RBMS1: variants seen among roughly 807,000 people sequenced by gnomAD.
RBMS1 encodes the protein RNA binding motif single stranded interacting protein 1.
RBMS1 carries 17 observed loss-of-function variants against 62.3 expected under a neutral mutation model. The observed-to-expected ratio is 0.27, with a 90% confidence interval of 0.19 to 0.41. The LOEUF (loss-of-function observed/expected upper bound fraction) is 0.41. Among genes scored for constraint, RBMS1 ranks in the 10% least tolerant of loss-of-function variants. RBMS1 has a pLI of 1.00. For synonymous variants in RBMS1, 172 were observed against 170.0 expected (o/e 1.01, Z -0.09); for missense variants, 334 against 504.5 (o/e 0.66, Z 3.24).
intron 2 of RBMS1, among the ~76,000 whole-genome samples, chr2:160,347,698 T>C (rs1395770994): frequency 6.6e-6 from 1 of 152,108 alleles, no homozygotes; most frequent in Non-Finnish European, 1.5e-5. Flanking sequence ...TTTTGAGAAT[T>C]ACATTTTTAC....
intron 12 of RBMS1, among the ~76,000 whole-genome samples, chr2:160,276,368 C>T (rs944797329): frequency 6.6e-6 from 1 of 150,856 alleles, no homozygotes; most frequent in Non-Finnish European, 1.5e-5. Flanking sequence ...ACCACCACCA[C>T]CAACACCTAC....
chr2:160,449,374 G>A lies in RBMS1; in HGVS notation c.75+43915C>T, dbSNP rs192014974. On this transcript the variant is annotated intron_variant, in intron 1 of 13. Coordinates refer to ENST00000348849, the MANE Select transcript of RBMS1 (RefSeq NM_016836.4). ...GGGCCATGATGACGATGGCGTTTTT[G>A]TCGAATAGAAAAGGGGGAAATGTGG... 2.2e-3 allele frequency among the ~76,000 whole-genome samples: 331 copies of A among 152,374 alleles called. 1 individual carries two copies. The highest frequency in any genetic ancestry group is 7.5e-3 in the African/African-American group (313 of 41,586).
rs551792738 is a variant in RBMS1, at chr2:160,398,339, A to G, written c.76-30948T>C. ...GTGACTGTATAATTATGAATGACGT[A>G]TATTACCAAGAATGAAATTTGCCAT... On this transcript the variant is annotated intron_variant, in intron 1 of 13. Transcript: ENST00000348849. Among the ~76,000 whole-genome samples, 7 of 152,348 alleles carry G rather than the reference A, an allele frequency of 4.6e-5. No individual in the cohort carries two copies. The East Asian group carries it at 9.6e-4, about 21-fold the overall frequency.
chr2:160,406,720 AT>A (rs1695730459), intron 1 of RBMS1, among the ~76,000 whole-genome samples: 2 of 152,358 alleles, frequency 1.3e-5, no homozygotes, highest in East Asian at 1.9e-4. Context: ...AAAAACAAAG[AT>A]GAAAAACAAA....
At chr2:160,483,317 T>C (rs1685446715) in intron 1 of RBMS1, among the ~76,000 whole-genome samples, 1 of 152,210 alleles carries the variant, frequency 6.6e-6, no homozygotes, top group Admixed American at 6.5e-5. Context: ...GTAAACTGCT[T>C]GCTATTTGAC....
chr2:160,293,159 G>C (rs1688766325), intron 6 of RBMS1, among the ~76,000 whole-genome samples: 1 of 152,124 alleles, frequency 6.6e-6, no homozygotes, highest in African/African-American at 2.4e-5. Context: ...TGTTTTTACA[G>C]GGTAACAATG....
intron 1 of RBMS1, among the ~76,000 whole-genome samples, chr2:160,440,856 G>A (rs1393682406): frequency 6.6e-6 from 1 of 152,196 alleles, no homozygotes; most frequent in Non-Finnish European, 1.5e-5. Flanking sequence ...CATTTTAGCA[G>A]GGGAAGGTAG....
At chr2:160,324,882 G>GTATATATATATATATATATATATA (rs201492090) in intron 2 of RBMS1, among the ~76,000 whole-genome samples, 38 of 100,008 alleles carry the variant, frequency 3.8e-4, no homozygotes, top group African/African-American at 9.3e-4. Context: ...GTGTGTGTGT[G>GTATATATATATATATATATATATA]TATATATATA....
At chr2:160,355,822 C>T (rs1692764580) in intron 2 of RBMS1, among the ~76,000 whole-genome samples, 1 of 152,128 alleles carries the variant, frequency 6.6e-6, no homozygotes, top group Admixed American at 6.6e-5. Flanking sequence ...CTATCTCTCA[C>T]ATTCTGATCT....
chr2:160,426,218 G>GAAGAAAGAAAGAAAGAAAGAAAGAAAGA (rs57929883), intron 1 of RBMS1, among the ~76,000 whole-genome samples: 1 of 48,722 alleles, frequency 2.1e-5, no homozygotes, highest in Non-Finnish European at 4.1e-5. Flanking sequence ...GAGAGAGACA[G>GAAGAAAGAAAGAAAGAAAGAAAGAAAGA]AAGAAAGAAA....
At chr2:160,367,463 A>C in intron 1 of RBMS1, 72 bp from the exon 2 acceptor site, 1 of 1,580,762 alleles carries the variant, frequency 6.3e-7, no homozygotes, top group Non-Finnish European at 8.6e-7. Flanking sequence ...TGAAGTTACC[A>C]AGATTTAAAT....
chr2:160,399,750 G>A (rs1159377880), intron 1 of RBMS1, among the ~76,000 whole-genome samples: 1 of 152,102 alleles, frequency 6.6e-6, no homozygotes, highest in Non-Finnish European at 1.5e-5. Context: ...TTCCAAAAAG[G>A]ATTTATAGGC....
intron 2 of RBMS1, among the ~76,000 whole-genome samples, chr2:160,366,490 C>A (rs1463789612): frequency 2.0e-5 from 3 of 152,206 alleles, no homozygotes; most frequent in African/African-American, 7.2e-5. Context: ...TGCTTTCAGT[C>A]CTTACACAAT....
chr2:160,324,878 G>A (rs998650493), intron 2 of RBMS1, among the ~76,000 whole-genome samples: 4 of 75,400 alleles, frequency 5.3e-5, no homozygotes, highest in Non-Finnish European at 1.1e-4. Flanking sequence ...GTGTGTGTGT[G>A]TGTGTATATA....
At chr2:160,388,492 G>A (rs944035738) in intron 1 of RBMS1, among the ~76,000 whole-genome samples, 4 of 152,142 alleles carry the variant, frequency 2.6e-5, no homozygotes, top group African/African-American at 9.7e-5. Flanking sequence ...AGCTGGAAGG[G>A]CTACTCCACG....
intron 2 of RBMS1, among the ~76,000 whole-genome samples, chr2:160,339,534 G>A (rs1005555874): frequency 6.6e-6 from 1 of 152,078 alleles, no homozygotes; most frequent in Non-Finnish European, 1.5e-5. Flanking sequence ...ATTAATTTTT[G>A]CCACGGTGCC....
intron 1 of RBMS1, among the ~76,000 whole-genome samples, chr2:160,467,817 G>C (rs1410579039): frequency 1.3e-5 from 2 of 152,050 alleles, no homozygotes; most frequent in Non-Finnish European, 2.9e-5. Flanking sequence ...CTAGGGAAGG[G>C]CTAACAAGAA....
At chr2:160,362,492 G>T (rs981309533) in intron 2 of RBMS1, among the ~76,000 whole-genome samples, 2 of 152,144 alleles carry the variant, frequency 1.3e-5, no homozygotes, top group Non-Finnish European at 2.9e-5. Flanking sequence ...GAGAAAAATG[G>T]AGGAGAAGGA....
Position 160,300,710 on chromosome 2 carries a change from C to T in RBMS1, c.581G>A (p.Cys194Tyr). 6.2e-7 allele frequency: 1 copy of T among 1,600,166 alleles called. No individual in the cohort carries two copies. The highest frequency in any genetic ancestry group is 1.1e-5 in the South Asian group (1 of 87,234). Reference sequence around the variant, plus strand: ...ATTAAAATGACCAATAACAGCTTCACATTTTTCTGTTGATTCCATCCTATT... The same window carrying T: ...ATTAAAATGACCAATAACAGCTTCATATTTTTCTGTTGATTCCATCCTATT... ...GFARMESTEK[C>Y]EAVIGHFNGK... The change falls in exon 6 of 14, where the codon TGT (cysteine) becomes TAT (tyrosine). Residue 194 changes from cysteine to tyrosine, a missense_variant. Transcript: ENST00000348849.
Sources: allele counts gnomAD v4.1 joint callset (sites outside exome capture counted in the v4.1 genomes callset), GRCh38; gene constraint gnomAD v4.1.1; transcripts MANE v1.5; gene names NCBI Gene and HGNC (gene_info 2026-07-23, HGNC 2026-07-21).